Variants in COPG2 observed in about 807,000 individuals in gnomAD.
COPG2 encodes the protein coatomer subunit gamma-2.
Under a neutral mutation model 46.3 loss-of-function variants are expected in COPG2, and 37 were observed. That is an observed-to-expected ratio of 0.80 (90% CI 0.61 to 1.05). COPG2 has a LOEUF of 1.05. COPG2 is among the 50% of genes least tolerant of loss of function. The pLI, the probability that COPG2 is intolerant of heterozygous loss-of-function variation, is 0.00. For missense variants in COPG2, 427 were observed against 387.8 expected (o/e 1.10, Z -0.85); for synonymous variants, 159 against 129.7 (o/e 1.23, Z -1.53).
chr7:130,521,387 C>T (rs1418714500), intron 20 of COPG2, among the ~76,000 whole-genome samples: 1 of 152,124 alleles, frequency 6.6e-6, no homozygotes, highest in Non-Finnish European at 1.5e-5. Context: ...TAAAGCAGTT[C>T]AGCACAGTAT....
chr7:130,514,792 CTAGA>C (rs1367377719), intron 20 of COPG2, among the ~76,000 whole-genome samples: 1 of 152,164 alleles, frequency 6.6e-6, no homozygotes, highest in African/African-American at 2.4e-5. Context: ...ATTAAATAAA[CTAGA>C]TAATGATTCT....
chr7:130,655,609 T>C (rs1262708550), intron 4 of COPG2, among the ~76,000 whole-genome samples: 1 of 152,036 alleles, frequency 6.6e-6, no homozygotes, highest in Non-Finnish European at 1.5e-5. Flanking sequence ...AGCTCCTTCT[T>C]CTTTGGTATT....
chr7:130,589,841 T>A (rs1794360879), intron 9 of COPG2, among the ~76,000 whole-genome samples: 1 of 152,168 alleles, frequency 6.6e-6, no homozygotes, highest in African/African-American at 2.4e-5. Context: ...TGCGCGTTAA[T>A]CCCAAATTTC....
At chr7:130,642,636 T>C (rs970467088) in intron 5 of COPG2, among the ~76,000 whole-genome samples, 1 of 152,260 alleles carries the variant, frequency 6.6e-6, no homozygotes, top group African/African-American at 2.4e-5. Flanking sequence ...AATTTGTTCC[T>C]TCTTCTTTGA....
intron 20 of COPG2, among the ~76,000 whole-genome samples, chr7:130,539,269 A>G (rs1465249719): frequency 1.3e-5 from 2 of 152,108 alleles, no homozygotes; most frequent in African/African-American, 4.8e-5. Flanking sequence ...AATGGAGATG[A>G]AGAAAGGAGG....
intron 9 of COPG2, among the ~76,000 whole-genome samples, chr7:130,591,688 G>A (rs1389795333): frequency 2.0e-5 from 3 of 148,610 alleles, no homozygotes; most frequent in Non-Finnish European, 4.5e-5. Flanking sequence ...GAAGTGAGGA[G>A]CCCCTCTGCC....
intron 9 of COPG2, among the ~76,000 whole-genome samples, chr7:130,566,103 G>C (rs1263582048): frequency 2.0e-5 from 3 of 152,148 alleles, no homozygotes; most frequent in Non-Finnish European, 2.9e-5. Context: ...GGCTCAAAAA[G>C]TCTCAAGCAG....
rs1459176023 is a variant in COPG2 at position 130,583,118 on chromosome 7, C to G, written c.738-18725G>C. Among the ~76,000 whole-genome samples the G allele has an allele frequency of 1.1e-3, 171 of 151,096 alleles. 2 individuals are homozygous for G. The highest frequency in any genetic ancestry group is 1.7e-3 in the Admixed American group (26 of 15,100). On this transcript the variant is annotated intron_variant, in intron 9 of 23. Transcript: ENST00000425248. ...AACCCAAATGTCCAACAATGATAGA[C>G]CGGATTAAGAAAATGTGGCCCATAT...
intron 5 of COPG2, among the ~76,000 whole-genome samples, chr7:130,630,313 T>C (rs1795205888): frequency 6.6e-6 from 1 of 152,220 alleles, no homozygotes; most frequent in Non-Finnish European, 1.5e-5. Context: ...ATTTCATATT[T>C]TGATGCTACT....
At chr7:130,538,586 A>AC (rs1799907318) in intron 20 of COPG2, among the ~76,000 whole-genome samples, 3 of 151,980 alleles carry the variant, frequency 2.0e-5, no homozygotes, top group Admixed American at 6.5e-5. Context: ...GAAGGTGCCT[A>AC]AGTCACTCAG....
rs1257746690 is a variant in COPG2, at chr7:130,506,554, G to A, written c.*122C>T. 3 of 495,016 alleles carry A rather than the reference G, an allele frequency of 6.1e-6. No individual in the cohort carries two copies. The highest frequency in any genetic ancestry group is 1.1e-5 in the Non-Finnish European group (3 of 277,468). 30.7% of individuals were successfully genotyped at this position (495,016 alleles called of 1,614,324 possible). A position where few individuals can be genotyped will look rare whatever the true frequency, so the allele number is the denominator to read the frequency against. ...TTGATCTGCTGGCTCAGGGCCAAAT[G>A]TTTAATTTGCTTCTCCAAAGTCATT... is the stretch of plus-strand genomic sequence containing the variant. On this transcript the variant is annotated 3_prime_UTR_variant, in exon 24 of 24. Transcript: ENST00000425248.
At chr7:130,610,366 C>T (rs1312070322) in intron 9 of COPG2, 1 of 337,456 alleles carries the variant, frequency 3.0e-6, no homozygotes, top group East Asian at 7.8e-5. Flanking sequence ...AGATCTTTCT[C>T]TGTGTTACAC....
chr7:130,576,326 G>A (rs1189047718), intron 9 of COPG2, among the ~76,000 whole-genome samples: 1 of 152,046 alleles, frequency 6.6e-6, no homozygotes, highest in Non-Finnish European at 1.5e-5. Context: ...GCCATAAAAC[G>A]AGCCTCAATA....
intron 20 of COPG2, among the ~76,000 whole-genome samples, chr7:130,527,909 AG>A (rs1370803611): frequency 1.3e-5 from 2 of 152,154 alleles, no homozygotes; most frequent in Non-Finnish European, 2.9e-5. Context: ...TCAAGGACTC[AG>A]GTGGAGGAGT....
At chr7:130,624,304 A>G (rs1366930285) in intron 5 of COPG2, among the ~76,000 whole-genome samples, 4 of 152,140 alleles carry the variant, frequency 2.6e-5, no homozygotes, top group African/African-American at 9.7e-5. Context: ...AGTTTTGTAC[A>G]TTTATTGTCA....
At chr7:130,654,917 CT>C (rs759645124) in intron 4 of COPG2, among the ~76,000 whole-genome samples, 1 of 150,414 alleles carries the variant, frequency 6.6e-6, no homozygotes, top group African/African-American at 2.4e-5. Flanking sequence ...TATTTCTTTT[CT>C]TTTTTTTTAA....
In COPG2 at chr7:130,590,427, C is replaced by T. The variant is rs1244462303; in HGVS notation, c.737+20526G>A. Among the ~76,000 whole-genome samples the T allele has an allele frequency of 2.0e-5, 3 of 152,228 alleles. No individual in the cohort carries two copies. The East Asian group carries it at 5.8e-4, about 29-fold the overall frequency. On this transcript the variant is annotated intron_variant, in intron 9 of 23. Coordinates refer to ENST00000425248, the MANE Select transcript of COPG2 (RefSeq NM_012133.6). ...CGCGCCGCCACGCCTGACTGGTTTT[C>T]GTATTTTTTTGGTGGAGACGGGGTT...
At chr7:130,539,381 G>A (rs1799914736) in intron 20 of COPG2, among the ~76,000 whole-genome samples, 1 of 152,120 alleles carries the variant, frequency 6.6e-6, no homozygotes, top group African/African-American at 2.4e-5. Context: ...AAGAGGGGAA[G>A]GAAAAGGCAG....
At chr7:130,519,116 G>A (rs1799704703) in intron 20 of COPG2, among the ~76,000 whole-genome samples, 1 of 152,072 alleles carries the variant, frequency 6.6e-6, no homozygotes, top group South Asian at 2.1e-4. Flanking sequence ...AGCATGCAAT[G>A]CAATTTTGCA....
Sources: gnomAD v4.1 joint callset for allele counts (sites outside exome capture counted in the v4.1 genomes callset) on GRCh38, gnomAD v4.1.1 for gene constraint, MANE v1.5 for transcripts, NCBI Gene and HGNC (gene_info 2026-07-23, HGNC 2026-07-21) for gene names.